Variants in UGT1A7 observed in about 807,000 individuals in gnomAD.
UGT1A7 encodes the protein UDP-glucuronosyltransferase 1A7.
In UGT1A7, 33 loss-of-function variants were observed where a neutral mutation model predicts 45.6. The ratio of observed to expected loss-of-function variants is 0.72; its 90% CI spans 0.55 to 0.97. The LOEUF (loss-of-function observed/expected upper bound fraction) is 0.97, where lower values mean the gene tolerates loss of function less well. Among genes scored for constraint, UGT1A7 ranks in the 50% least tolerant of loss-of-function variants. The pLI is 0.00. For synonymous variants in UGT1A7, 274 were observed against 250.6 expected, an observed-to-expected ratio of 1.09 and a Z score of -0.88; for missense variants, 684 against 666.2, an observed-to-expected ratio of 1.03 and a Z score of -0.29.
At chr2:233,712,884 C>T (rs1239216440) in intron 1 of UGT1A7, 1 of 1,600,688 alleles carries the variant, frequency 6.2e-7, no homozygotes, top group Non-Finnish European at 8.5e-7. Context: ...TCTTCAATTA[C>T]ATGTTGATTT....
chr2:233,748,318 C>T (rs1693914102), intron 1 of UGT1A7, among the ~76,000 whole-genome samples: 1 of 151,718 alleles, frequency 6.6e-6, no homozygotes, highest in African/African-American at 2.4e-5. Context: ...TGGACTAGGA[C>T]TGATGTGACT....
chr2:233,765,490 A>G (rs552851651), intron 1 of UGT1A7, among the ~76,000 whole-genome samples: 4 of 152,238 alleles, frequency 2.6e-5, no homozygotes, highest in Non-Finnish European at 5.9e-5. Flanking sequence ...ATCATCCTCC[A>G]CAAACTAACA....
In UGT1A7 at chr2:233,769,723, C is replaced by G. The variant is rs1318643454; in HGVS notation, c.1295+1284C>G. On this transcript the variant is annotated intron_variant, in intron 4 of 4. Coordinates refer to ENST00000373426, the MANE Select transcript of UGT1A7 (RefSeq NM_019077.3). This position sits in a 1 kb window ranked among gnomAD's most constrained non-coding sequence, Gnocchi z 4.4. ...GATCAATGTTGGCTAGGCACCATGG[C>G]ACACGCCTGTAGTCCCAGCCACTCT... The G allele has an allele frequency of 3.1e-5, 46 of 1,484,642 alleles. No individual in the cohort carries two copies. The Middle Eastern group carries it at 1.2e-3, about 39-fold the overall frequency. 92.0% of individuals were successfully genotyped at this position (1,484,642 alleles called of 1,614,324 possible).
intron 1 of UGT1A7, among the ~76,000 whole-genome samples, chr2:233,687,069 G>A (rs1405806889): frequency 6.6e-6 from 1 of 152,170 alleles, no homozygotes; most frequent in Admixed American, 6.6e-5. Context: ...CTCCAAGCCT[G>A]ATTTCATAAG....
At chr2:233,706,622 T>C (rs567814206) in intron 1 of UGT1A7, among the ~76,000 whole-genome samples, 1 of 152,196 alleles carries the variant, frequency 6.6e-6, no homozygotes, top group Admixed American at 6.5e-5. Flanking sequence ...ACTAGAGAAA[T>C]GAGTGTTTCT....
At position 233,682,767 on chromosome 2, in the gene UGT1A7, G is replaced by A; in HGVS notation, c.830G>A (p.Cys277Tyr). ...PNMIFIGGIN[C>Y]HQGKPVPMEF... The stretch of plus-strand genomic sequence containing the variant: ...ATGATCTTCATTGGTGGTATCAACT[G>A]TCATCAGGGAAAGCCAGTGCCTATG... Residue 277 changes from cysteine to tyrosine, a missense_variant, in exon 1 of 5, where the codon TGT becomes TAT. Physicochemically the swap from Cys to Tyr is radical, Grantham distance 194. Coordinates refer to ENST00000373426, the MANE Select transcript of UGT1A7 (RefSeq NM_019077.3). The A allele has an allele frequency of 6.2e-7, 1 of 1,613,624 alleles. No individual in the cohort carries two copies.
chr2:233,689,879 G>A (rs1344729822), intron 1 of UGT1A7: 1 of 456,572 alleles, frequency 2.2e-6, no homozygotes, highest in South Asian at 1.5e-5. Context: ...TGCTTATCAA[G>A]TGCCTTATTT....
intron 1 of UGT1A7, among the ~76,000 whole-genome samples, chr2:233,725,249 G>GGCA (rs1424626643): frequency 6.2e-5 from 3 of 48,540 alleles, no homozygotes; most frequent in African/African-American, 3.4e-4. Flanking sequence ...CAGAGGCAGA[G>GGCA]GAGGCAGAGG....
At chr2:233,717,293 A>G (rs2076562605) in intron 1 of UGT1A7, among the ~76,000 whole-genome samples, 1 of 152,182 alleles carries the variant, frequency 6.6e-6, no homozygotes, top group Admixed American at 6.5e-5. Context: ...TTGCACCCAC[A>G]GCTGAGAATC....
intron 1 of UGT1A7, among the ~76,000 whole-genome samples, chr2:233,686,553 A>T (rs577656065): frequency 6.6e-6 from 1 of 152,138 alleles, no homozygotes; most frequent in South Asian, 2.1e-4. Flanking sequence ...GGCTTTCTGA[A>T]ATCCCTGGTT....
intron 1 of UGT1A7, chr2:233,761,153 T>C (rs772088902): frequency 6.2e-7 from 1 of 1,614,188 alleles, no homozygotes; most frequent in Non-Finnish European, 8.5e-7. Flanking sequence ...CTATCCCAGG[T>C]GTGTATTGGA....
At chr2:233,696,505 A>C (rs2075346896) in intron 1 of UGT1A7, among the ~76,000 whole-genome samples, 1 of 152,168 alleles carries the variant, frequency 6.6e-6, no homozygotes, top group South Asian at 2.1e-4. Context: ...TTTGCTTGTC[A>C]GTTCTAACAG....
At chr2:233,737,930 G>C (rs867585936) in intron 1 of UGT1A7, among the ~76,000 whole-genome samples, 3 of 152,128 alleles carry the variant, frequency 2.0e-5, no homozygotes, top group African/African-American at 7.2e-5. Flanking sequence ...ATTTAGTAGT[G>C]AGTCCATTGA....
intron 1 of UGT1A7, chr2:233,743,799 C>T: frequency 7.3e-7 from 1 of 1,367,352 alleles, no homozygotes. Flanking sequence ...TCCGCTTCCT[C>T]CTTGTTCTCA....
At position 233,760,497 on chromosome 2, in the gene UGT1A7, C is replaced by G. The variant is rs1553620689; in HGVS notation, c.856-6537C>G. ...CTGACGCCTCGTTGTACATCAGAGACGGAGCATTTTACACCTTGAAGACGT... is the reference window on the plus strand; with the variant it reads ...CTGACGCCTCGTTGTACATCAGAGAGGGAGCATTTTACACCTTGAAGACGT... On this transcript the variant is annotated intron_variant, in intron 1 of 4. Transcript: ENST00000373426. 1.2e-6 allele frequency: 2 copies of G among 1,614,200 alleles called. No individual in the cohort carries two copies. The highest frequency in any genetic ancestry group is 2.7e-5 in the African/African-American group (2 of 75,048).
At chr2:233,711,402 C>A (rs1267676385) in intron 1 of UGT1A7, among the ~76,000 whole-genome samples, 1 of 152,222 alleles carries the variant, frequency 6.6e-6, no homozygotes, top group African/African-American at 2.4e-5. Flanking sequence ...CCACCCTCAC[C>A]CCGGGCTCAT....
At chr2:233,720,751 G>C (rs2076887751) in intron 1 of UGT1A7, among the ~76,000 whole-genome samples, 1 of 150,928 alleles carries the variant, frequency 6.6e-6, no homozygotes, top group African/African-American at 2.4e-5. Context: ...TGTCGCCCAG[G>C]CTGGAGGGCA....
Position 233,768,272 on chromosome 2 carries a change from T to C in UGT1A7, c.1128T>C (p.Tyr376=). Residue 376 remains tyrosine, a synonymous_variant, in exon 4 of 5, where the codon TAT becomes TAC. Transcript: ENST00000373426. ...FITHAGSHGV[Y]ESICNGVPMV... ...CCCATGCTGGTTCCCATGGTGTTTATGAAAGCATATGCAATGGCGTTCCCA... is the reference window on the plus strand; with the variant it reads ...CCCATGCTGGTTCCCATGGTGTTTACGAAAGCATATGCAATGGCGTTCCCA... 1 of 1,614,214 alleles carries C rather than the reference T, an allele frequency of 6.2e-7. No homozygotes were observed. The highest frequency in any genetic ancestry group is 2.2e-5 in the East Asian group (1 of 44,870).
intron 1 of UGT1A7, among the ~76,000 whole-genome samples, chr2:233,736,359 A>G (rs2078753406): frequency 6.6e-6 from 1 of 152,150 alleles, no homozygotes; most frequent in Admixed American, 6.5e-5. Flanking sequence ...TTTCAGCTCC[A>G]TCAGGTCATT....
Sources: gnomAD v4.1 joint callset for allele counts (sites outside exome capture counted in the v4.1 genomes callset) on GRCh38, gnomAD v4.1.1 for gene constraint, Gnocchi (gnomAD v3.1) non-coding constraint, MANE v1.5 for transcripts, NCBI Gene and HGNC (gene_info 2026-07-23, HGNC 2026-07-21) for gene names.